The following CFAP61 variants were observed in gnomAD, a reference collection of about 807,000 sequenced individuals.
CFAP61 encodes cilia- and flagella-associated protein 61.
CFAP61 carries 107 observed loss-of-function variants against 135.6 expected under a neutral mutation model. The observed-to-expected ratio is 0.79, with a 90% confidence interval of 0.67 to 0.93. CFAP61 has a LOEUF of 0.93. Ranked by LOEUF, CFAP61 falls within the 40% of genes least tolerant of loss-of-function variation. The pLI, the probability that CFAP61 is intolerant of heterozygous loss-of-function variation, is 0.00. For missense variants in CFAP61, 1,507 were observed against 1,556.2 expected, an observed-to-expected ratio of 0.97 and a Z score of 0.53; for synonymous variants, 575 against 578.5, an observed-to-expected ratio of 0.99 and a Z score of 0.09.
chr20:20,287,034 A>G (rs1038862523), intron 22 of CFAP61, among the ~76,000 whole-genome samples: 3 of 152,114 alleles, frequency 2.0e-5, no homozygotes, highest in African/African-American at 7.2e-5. Context: ...ATATCTTTCT[A>G]TATATTTATC....
intron 17 of CFAP61, among the ~76,000 whole-genome samples, chr20:20,226,439 G>A (rs2048740144): frequency 6.6e-6 from 1 of 152,190 alleles, no homozygotes; most frequent in Non-Finnish European, 1.5e-5. Flanking sequence ...AATTGCATGA[G>A]CCAGAATAAG....
In CFAP61 at chr20:20,125,568, G is replaced by GC. The variant is rs1303233238; in HGVS notation, c.860-17289_860-17288insC. 1.5e-4 allele frequency among the ~76,000 whole-genome samples: 23 copies of GC among 151,808 alleles called. 1 individual carries two copies. The highest frequency in any genetic ancestry group is 5.1e-4 in the African/African-American group (21 of 41,142). On this transcript the variant is annotated intron_variant, in intron 8 of 26. Transcript: ENST00000245957. The stretch of plus-strand genomic sequence containing the variant: ...AATTGATTTACAGTTTTATTCCACT[G>GC]TGGTCTGAGAGGCTGCTTGATGTAA...
intron 25 of CFAP61, among the ~76,000 whole-genome samples, chr20:20,330,742 A>T (rs983642214): frequency 1.3e-5 from 2 of 152,020 alleles, no homozygotes; most frequent in Admixed American, 1.3e-4. Context: ...CTGTTTTCCT[A>T]CCTGTAGAAC....
chr20:20,145,215 A>G (rs1358718091), intron 9 of CFAP61, among the ~76,000 whole-genome samples: 1 of 152,182 alleles, frequency 6.6e-6, no homozygotes, highest in Non-Finnish European at 1.5e-5. Flanking sequence ...TAACATATGT[A>G]AAAATAAAAT....
chr20:20,240,001 G>A (rs1174035314), intron 18 of CFAP61, among the ~76,000 whole-genome samples: 5 of 152,146 alleles, frequency 3.3e-5, no homozygotes, highest in Non-Finnish European at 7.4e-5. Flanking sequence ...TAGTGGGAAG[G>A]AGCCTGAGAC....
intron 17 of CFAP61, among the ~76,000 whole-genome samples, chr20:20,211,372 G>A (rs891965051): frequency 2.6e-5 from 4 of 152,188 alleles, no homozygotes; most frequent in Non-Finnish European, 5.9e-5. Context: ...CCAGGGTTGA[G>A]CCACTTTAAG....
At chr20:20,079,376 G>A (rs1357502491) in intron 6 of CFAP61, among the ~76,000 whole-genome samples, 2 of 152,162 alleles carry the variant, frequency 1.3e-5, no homozygotes, top group Non-Finnish European at 1.5e-5. Flanking sequence ...AGGCCAAATT[G>A]CAGTGAGCGG....
chr20:20,074,216 A>G, intron 3 of CFAP61, 86 bp from the exon 4 acceptor site: 1 of 997,054 alleles, frequency 1.0e-6, no homozygotes, highest in South Asian at 1.3e-5. Context: ...GTGTCTGTGG[A>G]TGCCCCGAAA....
chr20:20,145,853 C>T (rs1283231731), intron 9 of CFAP61, among the ~76,000 whole-genome samples: 4 of 152,096 alleles, frequency 2.6e-5, no homozygotes, highest in Non-Finnish European at 4.4e-5. Flanking sequence ...ACATACGAAG[C>T]AAAAAGTTGT....
At chr20:20,053,812 A>G (rs979731896) in intron 1 of CFAP61, among the ~76,000 whole-genome samples, 1 of 152,174 alleles carries the variant, frequency 6.6e-6, no homozygotes, top group South Asian at 2.1e-4. Context: ...AATATTAAAA[A>G]GATGTTTCTT....
chr20:20,196,851 A>G, intron 16 of CFAP61, 75 bp downstream of exon 16: 3 of 1,242,170 alleles, frequency 2.4e-6, no homozygotes, highest in East Asian at 2.3e-5. Context: ...GCCGCATTCT[A>G]TTCATTCCTC....
At chr20:20,098,946 C>G (rs538370533) in intron 8 of CFAP61, 132 bp downstream of exon 8, 7 of 791,668 alleles carry the variant, frequency 8.8e-6, no homozygotes, top group Admixed American at 6.2e-5. Flanking sequence ...AGGAGTAGTT[C>G]CCATGGTTGG....
At chr20:20,354,219 C>G (rs753612975) in intron 26 of CFAP61, among the ~76,000 whole-genome samples, 1 of 152,066 alleles carries the variant, frequency 6.6e-6, no homozygotes, top group Non-Finnish European at 1.5e-5. Context: ...TATAATAATT[C>G]GGGTACAGCC....
At chr20:20,326,478 A>G (rs2057752365) in intron 25 of CFAP61, among the ~76,000 whole-genome samples, 1 of 152,174 alleles carries the variant, frequency 6.6e-6, no homozygotes, top group African/African-American at 2.4e-5. Context: ...TTTGTTTTAC[A>G]TTGACATCTT....
rs530807103 is a variant in CFAP61 at position 20,103,720 on chromosome 20, C to A, written c.859+4906C>A. Reference sequence around the variant, plus strand: ...CAAAACAATATTTTTTCCAGTTGGCCGCAGCACTGGCCCTGCCTGGTGTTT... The same window carrying A: ...CAAAACAATATTTTTTCCAGTTGGCAGCAGCACTGGCCCTGCCTGGTGTTT... On this transcript the variant is annotated intron_variant, in intron 8 of 26. Coordinates refer to ENST00000245957, the MANE Select transcript of CFAP61 (RefSeq NM_015585.4). Among the ~76,000 whole-genome samples the A allele has an allele frequency of 6.7e-4, 102 of 152,182 alleles. 1 individual carries two copies. The South Asian group carries it at 0.021, about 31-fold the overall frequency.
rs374225206 is a variant in CFAP61, at chr20:20,155,812, A to T, written c.952-3558A>T. On this transcript the variant is annotated intron_variant, in intron 9 of 26. Coordinates refer to ENST00000245957, the MANE Select transcript of CFAP61 (RefSeq NM_015585.4). Reference sequence around the variant, plus strand: ...GTGGTGAAAAGGGAAGAGTTTTTCAATGCTGGTGGGAATGTAAACTAGTAC... The same window carrying T: ...GTGGTGAAAAGGGAAGAGTTTTTCATTGCTGGTGGGAATGTAAACTAGTAC... 1.8e-4 allele frequency among the ~76,000 whole-genome samples: 27 copies of T among 152,278 alleles called. No homozygotes were observed. The East Asian group carries it at 5.2e-3, about 29-fold the overall frequency.
At position 20,098,926 on chromosome 20, in the gene CFAP61, G is replaced by C. The variant is rs2047798282; in HGVS notation, c.859+112G>C. 60 of 984,688 alleles carry C rather than the reference G, an allele frequency of 6.1e-5. No homozygotes were observed. In the South Asian group the frequency reaches 1.0e-3, roughly 17 times the overall value. The allele number at this position is 984,688 out of a possible 1,614,324, so 61.0% of individuals were successfully genotyped here. A position where few individuals can be genotyped will look rare whatever the true frequency, so the allele number is the denominator to read the frequency against. ...AGGATGCTTTATATTTCCTTCCCCA[G>C]TTCCCCTTAAGGAGTAGTTCCCATG... On this transcript the variant is annotated intron_variant, in intron 8 of 26. Transcript: ENST00000245957.
In CFAP61 at chr20:20,238,066, C is replaced by T. The variant is rs184357864; in HGVS notation, c.2061-8051C>T. On this transcript the variant is annotated intron_variant, in intron 18 of 26. Coordinates refer to ENST00000245957, the MANE Select transcript of CFAP61 (RefSeq NM_015585.4). ...TAAAATAAACAAATTAAATTAATGG[C>T]TCAGGACCTTGTCCAAAAGTCTCTT... Among the ~76,000 whole-genome samples, 20 of 152,230 alleles carry T rather than the reference C, an allele frequency of 1.3e-4. No individual in the cohort carries two copies. In the East Asian group the frequency reaches 2.1e-3, roughly 16 times the overall value.
At chr20:20,066,615 G>A (rs2045290122) in intron 2 of CFAP61, among the ~76,000 whole-genome samples, 1 of 152,084 alleles carries the variant, frequency 6.6e-6, no homozygotes, top group Admixed American at 6.5e-5. Context: ...CTCATAAGTG[G>A]GAGTTGTACA....
Sources: allele counts gnomAD v4.1 joint callset (sites outside exome capture counted in the v4.1 genomes callset), GRCh38; gene constraint gnomAD v4.1.1; transcripts MANE v1.5; gene names NCBI Gene and HGNC (gene_info 2026-07-23, HGNC 2026-07-21).